Variants in HSF2BP observed in about 807,000 individuals in gnomAD.
The protein encoded by HSF2BP is heat shock factor 2-binding protein.
Under a neutral mutation model 35.0 loss-of-function variants are expected in HSF2BP, and 35 were observed. The ratio of observed to expected loss-of-function variants is 1.00; its 90% CI spans 0.76 to 1.32. The LOEUF (loss-of-function observed/expected upper bound fraction) is 1.32. Ranked by LOEUF, HSF2BP falls within the 40% of genes most tolerant of loss-of-function variation. The pLI is 0.00. For missense variants in HSF2BP, 326 were observed against 321.7 expected (o/e 1.01, Z -0.10); for synonymous variants, 114 against 117.4 (o/e 0.97, Z 0.18).
chr21:43,572,534 C>T (rs567722842), intron 8 of HSF2BP, among the ~76,000 whole-genome samples: 5 of 152,322 alleles, frequency 3.3e-5, no homozygotes, highest in South Asian at 2.1e-4. Context: ...CCAGCACAAG[C>T]GCACACAGGG....
intron 8 of HSF2BP, among the ~76,000 whole-genome samples, chr21:43,588,850 G>A (rs1469355489): frequency 6.6e-6 from 1 of 152,124 alleles, no homozygotes; most frequent in Admixed American, 6.6e-5. Flanking sequence ...AAGCTGTCTG[G>A]TCAAGTATCC....
At chr21:43,621,595 C>CTGAAAGAACCT (rs2082332271) in intron 6 of HSF2BP, among the ~76,000 whole-genome samples, 1 of 151,516 alleles carries the variant, frequency 6.6e-6, no homozygotes, top group South Asian at 2.1e-4. Flanking sequence ...TTTCAAGGTT[C>CTGAAAGAACCT]TGAAAGAAAG....
chr21:43,643,614 A>T (rs1180055724), intron 4 of HSF2BP, among the ~76,000 whole-genome samples: 2 of 152,152 alleles, frequency 1.3e-5, no homozygotes, highest in African/African-American at 4.8e-5. Context: ...CCCAATCTTG[A>T]ACCTTCCAGC....
intron 3 of HSF2BP, among the ~76,000 whole-genome samples, chr21:43,649,490 A>G (rs2838335): frequency 0.023 from 3,476 of 152,202 alleles, 65 homozygotes; most frequent in Admixed American, 0.041. Context: ...TCATGGCTAC[A>G]CTAGTTCGCA....
chr21:43,580,689 C>G (rs1293738446), intron 8 of HSF2BP, among the ~76,000 whole-genome samples: 1 of 152,200 alleles, frequency 6.6e-6, no homozygotes, highest in Non-Finnish European at 1.5e-5. Flanking sequence ...ACTGGGCTAA[C>G]GCAAAACTAT....
chr21:43,575,890 G>A (rs1465408077), intron 8 of HSF2BP, among the ~76,000 whole-genome samples: 2 of 152,182 alleles, frequency 1.3e-5, no homozygotes, highest in South Asian at 2.1e-4. Flanking sequence ...AGGCTGGGGC[G>A]GGTGGCTCAC....
intron 8 of HSF2BP, among the ~76,000 whole-genome samples, chr21:43,581,107 C>T (rs2081722824): frequency 6.6e-6 from 1 of 152,200 alleles, no homozygotes; most frequent in Non-Finnish European, 1.5e-5. Flanking sequence ...TAAAAGGCAG[C>T]CGGACGCAGT....
chr21:43,602,017 G>GT (rs1342930099), intron 7 of HSF2BP, among the ~76,000 whole-genome samples: 1 of 152,174 alleles, frequency 6.6e-6, no homozygotes, highest in Non-Finnish European at 1.5e-5. Flanking sequence ...AAAATGCACA[G>GT]TAACACTCTG....
chr21:43,613,312 A>G (rs2146919628), intron 7 of HSF2BP, among the ~76,000 whole-genome samples: 1 of 152,248 alleles, frequency 6.6e-6, no homozygotes, highest in South Asian at 2.1e-4. Flanking sequence ...AAACCAAGAC[A>G]CTGGACTCTA....
the HSF2BP span, among the ~76,000 whole-genome samples, chr21:43,466,090 AT>A: frequency 1.3e-3 from 1 of 792 alleles, no homozygotes; most frequent in Non-Finnish European, 1.7e-3. Context: ...AAAAAAAAAA[AT>A]CAATGTGTGT....
At chr21:43,495,918 G>C in the HSF2BP span, among the ~76,000 whole-genome samples, 1 of 111,368 alleles carries the variant, frequency 9.0e-6, no homozygotes, top group Non-Finnish European at 2.0e-5. Flanking sequence ...TCACTCCCTT[G>C]TCCTGTGGAG....
At chr21:43,599,895 T>G (rs1050171529) in intron 7 of HSF2BP, among the ~76,000 whole-genome samples, 17 of 149,648 alleles carry the variant, frequency 1.1e-4, no homozygotes, top group Admixed American at 2.0e-4. Flanking sequence ...GTAGGCAAAT[T>G]CTGCTTCCTG....
chr21:43,604,801 C>A (rs1047733851), intron 7 of HSF2BP, among the ~76,000 whole-genome samples: 1 of 135,292 alleles, frequency 7.4e-6, no homozygotes, highest in Non-Finnish European at 1.6e-5. Flanking sequence ...CCACACTACA[C>A]GCCACACACA....
the HSF2BP span, among the ~76,000 whole-genome samples, chr21:43,499,865 C>T: frequency 2.6e-5 from 3 of 114,664 alleles, no homozygotes; most frequent in Non-Finnish European, 3.8e-5. Context: ...CATGCATACA[C>T]GCCACACTAC....
chr21:43,587,048 T>C (rs904587603), intron 8 of HSF2BP, among the ~76,000 whole-genome samples: 2 of 152,244 alleles, frequency 1.3e-5, no homozygotes, highest in Middle Eastern at 3.2e-3. Context: ...GTTATGATTC[T>C]AGATTCTGAA....
intron 7 of HSF2BP, among the ~76,000 whole-genome samples, chr21:43,595,736 T>TTTTTTTTC (rs2081977709): frequency 9.5e-6 from 1 of 104,818 alleles, no homozygotes; most frequent in Non-Finnish European, 1.9e-5. Flanking sequence ...ATTTTTTTTT[T>TTTTTTTTC]TTTTTTTTTT....
intron 8 of HSF2BP, among the ~76,000 whole-genome samples, chr21:43,587,161 A>G (rs939067080): frequency 6.6e-6 from 1 of 152,158 alleles, no homozygotes; most frequent in African/African-American, 2.4e-5. Flanking sequence ...ACCTTCTAAA[A>G]CACATATGAA....
rs199877424 is a variant in HSF2BP at position 43,644,305 on chromosome 21, T to C, written c.275A>G (p.Asn92Ser). 5.0e-6 allele frequency: 8 copies of C among 1,613,872 alleles called. No individual in the cohort carries two copies. Among genetic ancestry groups the C allele is most frequent in the Middle Eastern group, 1.6e-4 (1 of 6,062 alleles). ...KARLETVQAD[N>S]IREKKEKLAL... ...GCATGGTACCTTCTTCTCTCTTATG[T>C]TGTCGGCCTGCACGGTTTCCAGGCG... is the stretch of plus-strand genomic sequence containing the variant. The change falls in exon 4 of 9, where the codon AAC becomes AGC. Residue 92 changes from asparagine (N) to serine (S), a missense_variant. Transcript: ENST00000291560.
At chr21:43,581,445 G>A (rs1381189046) in intron 8 of HSF2BP, among the ~76,000 whole-genome samples, 1 of 152,044 alleles carries the variant, frequency 6.6e-6, no homozygotes, top group African/African-American at 2.4e-5. Context: ...GAAAGATGCT[G>A]GGATAACTCA....
Sources: allele counts gnomAD v4.1 joint callset (sites outside exome capture counted in the v4.1 genomes callset), GRCh38; gene constraint gnomAD v4.1.1; transcripts MANE v1.5; gene names NCBI Gene and HGNC (gene_info 2026-07-23, HGNC 2026-07-21).